The following CCDC102B variants were observed in gnomAD, a reference collection of about 807,000 sequenced individuals.
CCDC102B encodes the protein coiled-coil domain containing 102B.
CCDC102B carries 75 observed loss-of-function variants against 57.4 expected under a neutral mutation model. The observed-to-expected ratio is 1.31, with a 90% CI of 1.08 to 1.58. CCDC102B has a LOEUF of 1.58. Ranked by LOEUF, CCDC102B falls within the 40% of genes most tolerant of loss-of-function variation. The probability of loss-of-function intolerance (pLI) is 0.00; values close to 1 mark genes in which losing one functional copy is unlikely to be tolerated. For missense variants in CCDC102B, 636 were observed against 582.6 expected, an observed-to-expected ratio of 1.09 and a Z score of -0.94; for synonymous variants, 206 against 201.9, an observed-to-expected ratio of 1.02 and a Z score of -0.17.
intron 6 of CCDC102B, among the ~76,000 whole-genome samples, chr18:68,945,476 T>C (rs2049513310): frequency 6.6e-6 from 1 of 152,082 alleles, no homozygotes; most frequent in African/African-American, 2.4e-5. Context: ...GATATAAAAA[T>C]AGGTTCTTAC....
At chr18:68,900,813 A>G (rs537161216) in intron 6 of CCDC102B, among the ~76,000 whole-genome samples, 1 of 152,266 alleles carries the variant, frequency 6.6e-6, no homozygotes, top group South Asian at 2.1e-4. Context: ...TAATGAAGAA[A>G]CCAGCAAGTT....
intron 6 of CCDC102B, among the ~76,000 whole-genome samples, chr18:68,977,258 A>C (rs2050461720): frequency 6.6e-6 from 1 of 151,982 alleles, no homozygotes; most frequent in Non-Finnish European, 1.5e-5. Context: ...TATACAAAGA[A>C]TGATGATGAG....
chr18:68,857,248 T>TTTATA (rs1568292516), intron 4 of CCDC102B, among the ~76,000 whole-genome samples: 1 of 79,142 alleles, frequency 1.3e-5, no homozygotes, highest in African/African-American at 4.7e-5. Flanking sequence ...AAATATATAT[T>TTTATA]TATTATTTAA....
At chr18:68,812,506 T>C (rs957939744) in intron 1 of CCDC102B, among the ~76,000 whole-genome samples, 1 of 152,138 alleles carries the variant, frequency 6.6e-6, no homozygotes, top group Non-Finnish European at 1.5e-5. Flanking sequence ...TAGAAAAGCA[T>C]TTTAAAGAAC....
At chr18:68,887,217 C>T (rs1449798761) in intron 5 of CCDC102B, among the ~76,000 whole-genome samples, 1 of 151,930 alleles carries the variant, frequency 6.6e-6, no homozygotes, top group East Asian at 1.9e-4. Flanking sequence ...GTCGATTTTA[C>T]TTTGTGGAGG....
At chr18:68,752,191 C>G (rs2033878176) in intron 2 of CCDC102B, among the ~76,000 whole-genome samples, 1 of 152,044 alleles carries the variant, frequency 6.6e-6, no homozygotes, top group South Asian at 2.1e-4. Context: ...ACCCGGGAAG[C>G]AGAGGTTGCA....
chr18:68,895,986 T>C lies in CCDC102B; in HGVS notation c.1054-1233T>C, dbSNP rs7227464. On this transcript the variant is annotated intron_variant, in intron 5 of 7. Transcript: ENST00000360242. ...GTTTCTCCTTTAAGTGTTACATTGCTAGACAAAGTGCTTTCTAATTACTTT... is the reference window on the plus strand; with the variant it reads ...GTTTCTCCTTTAAGTGTTACATTGCCAGACAAAGTGCTTTCTAATTACTTT... 1.5e-3 allele frequency among the ~76,000 whole-genome samples: 222 copies of C among 152,100 alleles called. 1 individual carries two copies. The highest frequency in any genetic ancestry group is 5.1e-3 in the African/African-American group (211 of 41,560).
intron 6 of CCDC102B, among the ~76,000 whole-genome samples, chr18:68,968,012 GA>G (rs2050206445): frequency 6.6e-6 from 1 of 152,022 alleles, no homozygotes; most frequent in Non-Finnish European, 1.5e-5. Flanking sequence ...AAGGCAAATG[GA>G]AATCTAAGTT....
At chr18:69,056,122 T>C (rs145866567), downstream of CCDC102B, among the ~76,000 whole-genome samples, 830 of 152,216 alleles carry the variant, frequency 5.5e-3, 33 homozygotes, top group Admixed American at 0.051. Flanking sequence ...TGAGATGTGA[T>C]AGATTAAGTG....
intron 7 of CCDC102B, among the ~76,000 whole-genome samples, chr18:69,032,708 G>A (rs532770690): frequency 2.0e-5 from 3 of 152,260 alleles, no homozygotes; most frequent in African/African-American, 7.2e-5. Context: ...GGATGCTGAA[G>A]TGTTCTATCA....
At chr18:68,943,108 T>G (rs1209533951) in intron 6 of CCDC102B, among the ~76,000 whole-genome samples, 1 of 138,404 alleles carries the variant, frequency 7.2e-6, no homozygotes, top group Non-Finnish European at 1.6e-5. Context: ...GGGTTGGGGG[T>G]AGGGTTACAG....
chr18:68,838,746 A>G lies in CCDC102B; in HGVS notation c.647A>G (p.Glu216Gly). The G allele has an allele frequency of 6.2e-7, 1 of 1,613,980 alleles. No homozygotes were observed. The highest frequency in any genetic ancestry group is 8.5e-7 in the Non-Finnish European group (1 of 1,179,932). The change falls in exon 3 of 8, where the codon GAG becomes GGG. Residue 216 changes from glutamate (E) to glycine (G), a missense_variant. Transcript: ENST00000360242. ...VVIDSLKLSE[E>G]MKPNLDGVDL... ...ATTGATTCTCTAAAATTAAGTGAGG[A>G]GATGAAGCCCAATCTAGATGGTGTT...
At chr18:68,928,630 T>C (rs2041558627) in intron 6 of CCDC102B, among the ~76,000 whole-genome samples, 1 of 151,882 alleles carries the variant, frequency 6.6e-6, no homozygotes, top group African/African-American at 2.4e-5. Flanking sequence ...GAAGAACCCA[T>C]ACTGGAGTGG....
intron 5 of CCDC102B, among the ~76,000 whole-genome samples, chr18:68,879,681 A>G (rs903056706): frequency 1.3e-5 from 2 of 151,722 alleles, no homozygotes; most frequent in Non-Finnish European, 2.9e-5. Context: ...CTTGAGCTAG[A>G]TACAGAGTGC....
intron 4 of CCDC102B, among the ~76,000 whole-genome samples, chr18:68,870,015 C>A (rs1347511808): frequency 6.6e-6 from 1 of 152,044 alleles, no homozygotes. Flanking sequence ...TCAGGTTTGT[C>A]GAAGATCAGA....
At chr18:68,944,055 C>T (rs1403410800) in intron 6 of CCDC102B, among the ~76,000 whole-genome samples, 1 of 152,098 alleles carries the variant, frequency 6.6e-6, no homozygotes, top group East Asian at 1.9e-4. Flanking sequence ...CTGGGAACTT[C>T]TTACATTGTT....
chr18:69,056,794 GCTTT>G (rs1470399564), downstream of CCDC102B, among the ~76,000 whole-genome samples: 1 of 151,840 alleles, frequency 6.6e-6, no homozygotes, highest in Non-Finnish European at 1.5e-5. Context: ...ACCACCTTAC[GCTTT>G]CTAAGTGTAC....
At chr18:68,738,586 C>T (rs985835468) in intron 2 of CCDC102B, among the ~76,000 whole-genome samples, 6 of 152,174 alleles carry the variant, frequency 3.9e-5, no homozygotes, top group African/African-American at 7.2e-5. Flanking sequence ...AATCTCTTGC[C>T]GTTGGACCCA....
chr18:68,715,309 T>G, exon 1 of CCDC102B: 5 of 1,161,474 alleles, frequency 4.3e-6, no homozygotes, highest in Non-Finnish European at 5.4e-6. Context: ...GCTGGTTCAC[T>G]GGGGCGCGTT....
Sources: gnomAD v4.1 joint callset for allele counts (sites outside exome capture counted in the v4.1 genomes callset) on GRCh38, gnomAD v4.1.1 for gene constraint, MANE v1.5 for transcripts, NCBI Gene and HGNC (gene_info 2026-07-23, HGNC 2026-07-21) for gene names.